The following SLC35D4 variants were observed in gnomAD, a reference collection of about 807,000 sequenced individuals.
SLC35D4 encodes solute carrier family 35 member D4.
At chr18:23,399,572 G>A in the SLC35D4 span, 21 of 1,613,636 alleles carry the variant, frequency 1.3e-5, no homozygotes, top group Non-Finnish European at 1.8e-5. Context: ...TTACCAGTCT[G>A]GACAATGCTC....
chr18:23,377,634 C>A, the SLC35D4 span: 3 of 1,574,290 alleles, frequency 1.9e-6, no homozygotes, highest in Non-Finnish European at 2.6e-6. Context: ...GGGGGGAGGG[C>A]AGTAAACTTA....
At chr18:23,374,689 T>TA in the SLC35D4 span, among the ~76,000 whole-genome samples, 1 of 152,084 alleles carries the variant, frequency 6.6e-6, no homozygotes, top group Admixed American at 6.6e-5. Context: ...TTCTCCATGT[T>TA]AGTCAGGCCG....
the SLC35D4 span, among the ~76,000 whole-genome samples, chr18:23,290,071 C>A: frequency 2.0e-5 from 3 of 152,240 alleles, no homozygotes; most frequent in Admixed American, 2.0e-4. Context: ...CCATCAGAGG[C>A]CCCTGGAGAG....
At chr18:23,280,691 C>T in the SLC35D4 span, among the ~76,000 whole-genome samples, 1 of 152,268 alleles carries the variant, frequency 6.6e-6, no homozygotes, top group East Asian at 1.9e-4. Flanking sequence ...AAATGGAACC[C>T]GGACCCTTTA....
chr18:23,429,899 G>T, the SLC35D4 span, among the ~76,000 whole-genome samples: 3 of 152,088 alleles, frequency 2.0e-5, no homozygotes, highest in Non-Finnish European at 4.4e-5. Flanking sequence ...TATAGATTGT[G>T]GATATTAGTC....
chr18:23,321,630 T>A, the SLC35D4 span, among the ~76,000 whole-genome samples: 1 of 152,164 alleles, frequency 6.6e-6, no homozygotes, highest in Non-Finnish European at 1.5e-5. Context: ...AATTTTTGTA[T>A]ATTTTGTAGA....
chr18:23,411,841 TAATTA>T, the SLC35D4 span, among the ~76,000 whole-genome samples: 3 of 151,922 alleles, frequency 2.0e-5, no homozygotes, highest in South Asian at 2.1e-4. Context: ...AGATGAAGGC[TAATTA>T]AATTAAATTA....
the SLC35D4 span, among the ~76,000 whole-genome samples, chr18:23,267,516 C>T: frequency 6.6e-6 from 1 of 152,116 alleles, no homozygotes; most frequent in East Asian, 1.9e-4. Context: ...CTTTCCTCCC[C>T]CCAGGACACT....
the SLC35D4 span, among the ~76,000 whole-genome samples, chr18:23,280,218 A>C: frequency 6.6e-6 from 1 of 152,250 alleles, no homozygotes; most frequent in Non-Finnish European, 1.5e-5. Flanking sequence ...GTGTGCGCGC[A>C]GCCGACTGCA....
chr18:23,420,971 T>C, the SLC35D4 span, among the ~76,000 whole-genome samples: 4 of 151,718 alleles, frequency 2.6e-5, no homozygotes, highest in African/African-American at 4.8e-5. Flanking sequence ...TGGCTGGGCA[T>C]GGTGGCTCAC....
the SLC35D4 span, among the ~76,000 whole-genome samples, chr18:23,343,321 T>TG: frequency 2.0e-5 from 3 of 151,906 alleles, no homozygotes; most frequent in African/African-American, 7.3e-5. Flanking sequence ...TGCAATGGCG[T>TG]GATCTTGGCT....
chr18:23,326,507 C>T, the SLC35D4 span, among the ~76,000 whole-genome samples: 1 of 152,146 alleles, frequency 6.6e-6, no homozygotes, highest in African/African-American at 2.4e-5. Flanking sequence ...GCTAACTATC[C>T]TAAATATATA....
chr18:23,242,344 A>G, the SLC35D4 span, among the ~76,000 whole-genome samples: 3 of 152,238 alleles, frequency 2.0e-5, no homozygotes, highest in East Asian at 5.8e-4. Flanking sequence ...TTGGTCTTCA[A>G]GTTTCTAGAA....
At chr18:23,267,084 G>A in the SLC35D4 span, among the ~76,000 whole-genome samples, 2 of 152,224 alleles carry the variant, frequency 1.3e-5, no homozygotes, top group Non-Finnish European at 2.9e-5. Context: ...CCAGAAGAAG[G>A]TGCTTGCCCT....
the SLC35D4 span, among the ~76,000 whole-genome samples, chr18:23,360,833 A>C: frequency 6.6e-6 from 1 of 152,144 alleles, no homozygotes; most frequent in Admixed American, 6.6e-5. Context: ...TGGGTGCAGC[A>C]GCTCACGCCT....
chr18:23,377,722 T>A, the SLC35D4 span: 1 of 1,466,102 alleles, frequency 6.8e-7, no homozygotes, highest in Non-Finnish European at 9.1e-7. Context: ...CTTTTTAAAT[T>A]CCTCTTAAAA....
the SLC35D4 span, among the ~76,000 whole-genome samples, chr18:23,281,062 A>G: frequency 5.3e-5 from 8 of 152,210 alleles, no homozygotes; most frequent in Admixed American, 5.2e-4. Flanking sequence ...TGCATATGAA[A>G]TCTCCAGAAC....
the SLC35D4 span, among the ~76,000 whole-genome samples, chr18:23,334,591 A>G: frequency 1.3e-5 from 2 of 152,250 alleles, no homozygotes; most frequent in South Asian, 2.1e-4. Flanking sequence ...CTCGTACTTC[A>G]CTGTCTGGCC....
chr18:23,297,625 G>C, the SLC35D4 span: 26 of 197,756 alleles, frequency 1.3e-4, no homozygotes, highest in African/African-American at 5.6e-4. Context: ...GTTTGGGAGA[G>C]AGCATGTGGC....
Sources: allele counts gnomAD v4.1 joint callset (sites outside exome capture counted in the v4.1 genomes callset), GRCh38; gene constraint gnomAD v4.1.1; transcripts MANE v1.5; gene names NCBI Gene and HGNC (gene_info 2026-07-23, HGNC 2026-07-21).